Variants in CLHC1 observed in about 807,000 individuals in gnomAD.
CLHC1 encodes clathrin heavy chain linker domain containing 1, also known as clathrin heavy chain linker domain-containing protein 1.
A neutral mutation model predicts 69.5 loss-of-function variants in CLHC1; 72 were observed. The ratio of observed to expected loss-of-function variants is 1.04; its 90% CI spans 0.86 to 1.26. CLHC1 has a LOEUF of 1.26. Among genes scored for constraint, CLHC1 ranks in the 50% most tolerant of loss-of-function variants. The probability of loss-of-function intolerance (pLI) is 0.00; values close to 1 mark genes in which losing one functional copy is unlikely to be tolerated. For synonymous variants in CLHC1, 223 were observed against 224.3 expected, an observed-to-expected ratio of 0.99 and a Z score of 0.05; for missense variants, 790 against 679.3, an observed-to-expected ratio of 1.16 and a Z score of -1.81.
intron 9 of CLHC1, among the ~76,000 whole-genome samples, chr2:55,197,093 G>A (rs79969442): frequency 0.11 from 17,457 of 152,124 alleles, 1,216 homozygotes; most frequent in East Asian, 0.28. Context: ...AGTGCTATCC[G>A]TAGGGAGAGA....
chr2:55,206,313 A>C lies in CLHC1; in HGVS notation c.963T>G (p.Pro321=). The C allele has an allele frequency of 6.2e-7, 1 of 1,611,528 alleles. No individual in the cohort carries two copies. The highest frequency in any genetic ancestry group is 8.5e-7 in the Non-Finnish European group (1 of 1,178,014). The change falls in exon 9 of 13, where the codon CCT becomes CCG. Residue 321 remains proline, a synonymous_variant. Transcript: ENST00000401408. ...EKAACYAANS[P]RRILRNIGTM... The stretch of plus-strand genomic sequence containing the variant: ...TACCAATGTTTCGAAGAATTCTTCT[A>C]GGACTGTTTGCTGCATAACAAGCTG...
At chr2:55,195,351 A>G (rs1671310684) in intron 9 of CLHC1, among the ~76,000 whole-genome samples, 1 of 152,162 alleles carries the variant, frequency 6.6e-6, no homozygotes, top group Non-Finnish European at 1.5e-5. Flanking sequence ...ATGTTGTTGT[A>G]TCTGATGAAA....
At chr2:55,203,511 C>G (rs1470503398) in intron 9 of CLHC1, among the ~76,000 whole-genome samples, 4 of 152,038 alleles carry the variant, frequency 2.6e-5, no homozygotes, top group Non-Finnish European at 5.9e-5. Flanking sequence ...AATGCACATA[C>G]CTAAAGTGAA....
intron 9 of CLHC1, among the ~76,000 whole-genome samples, chr2:55,188,193 G>A (rs1373956480): frequency 6.6e-6 from 1 of 152,112 alleles, no homozygotes; most frequent in African/African-American, 2.4e-5. Context: ...GCTCACAGCT[G>A]TAGTCCCAAT....
In CLHC1 at chr2:55,174,722, AT is replaced by A. The variant is rs1424126775; in HGVS notation, c.*1067del. The A allele has an allele frequency of 1.3e-5, 2 of 152,182 alleles. No homozygotes were observed. The highest frequency in any genetic ancestry group is 2.9e-5 in the Non-Finnish European group (2 of 68,030). The allele number at this position is 152,182 out of a possible 1,614,324, so 9.4% of individuals were successfully genotyped here. The stretch of plus-strand genomic sequence containing the variant: ...ATTTAAATTTAGGATGGGAAAAGTT[AT>A]GCTCTTTGCTCTTATTCTAATAGCA... On this transcript the variant is annotated 3_prime_UTR_variant, in exon 13 of 13. Transcript: ENST00000401408.
chr2:55,198,128 A>G (rs963184770), intron 9 of CLHC1, among the ~76,000 whole-genome samples: 17 of 152,224 alleles, frequency 1.1e-4, no homozygotes, highest in African/African-American at 4.1e-4. Context: ...TTGAAGCCAG[A>G]CTATCTGAAA....
intron 1 of CLHC1, among the ~76,000 whole-genome samples, chr2:55,229,681 C>T (rs572904417): frequency 5.3e-5 from 8 of 152,250 alleles, no homozygotes; most frequent in Non-Finnish European, 8.8e-5. Flanking sequence ...ACTGGAGCAA[C>T]AGCCTCACTT....
intron 11 of CLHC1, among the ~76,000 whole-genome samples, chr2:55,179,726 G>A (rs1472625762): frequency 6.6e-6 from 1 of 151,916 alleles, no homozygotes; most frequent in Admixed American, 6.6e-5. Context: ...CTTCCAACTA[G>A]GGTCACCCTA....
chr2:55,181,866 T>A, intron 9 of CLHC1, 122 bp from the exon 10 acceptor site: 1 of 732,778 alleles, frequency 1.4e-6, no homozygotes, highest in Non-Finnish European at 2.3e-6. Context: ...AAATTACACA[T>A]TTATAATTTT....
At chr2:55,207,461 G>C (rs1220704461) in intron 8 of CLHC1, among the ~76,000 whole-genome samples, 1 of 152,158 alleles carries the variant, frequency 6.6e-6, no homozygotes, top group African/African-American at 2.4e-5. Flanking sequence ...CAGACTTACA[G>C]AAGCATTACA....
In CLHC1 at chr2:55,222,315, T is replaced by C. The variant is rs1573772877; in HGVS notation, c.97A>G (p.Thr33Ala). The C allele has an allele frequency of 6.2e-7, 1 of 1,613,648 alleles. No homozygotes were observed. The highest frequency in any genetic ancestry group is 8.5e-7 in the Non-Finnish European group (1 of 1,179,636). Reference protein sequence around the residue: ...FLESVQRYIITETERLGCSEE... With the variant: ...FLESVQRYIIAETERLGCSEE... ...CTACAGCCCAGTCTTTCAGTTTCTG[T>C]AATTATGTATCTTTGCACACTTTCC... The change falls in exon 3 of 13, where the codon ACA (threonine) becomes GCA (alanine). Residue 33 changes from threonine to alanine, a missense_variant. Physicochemically the swap from Thr to Ala is moderately conservative, Grantham distance 58. Coordinates refer to ENST00000401408, the MANE Select transcript of CLHC1 (RefSeq NM_152385.4).
intron 8 of CLHC1, 145 bp from the exon 9 acceptor site, chr2:55,206,521 C>A (rs2103914045): frequency 6.3e-6 from 4 of 635,522 alleles, no homozygotes; most frequent in Non-Finnish European, 5.5e-6. Context: ...TAACTAGAAT[C>A]ATTCACACTG....
rs1474619748 is a variant in CLHC1, at chr2:55,209,710, C to G, written c.621G>C (p.Lys207Asn). The G allele has an allele frequency of 6.2e-7, 1 of 1,613,998 alleles. No individual in the cohort carries two copies. The highest frequency in any genetic ancestry group is 8.5e-7 in the Non-Finnish European group (1 of 1,179,946). The change falls in exon 6 of 13, where the codon AAG becomes AAC. Residue 207 changes from lysine to asparagine, a missense_variant. Physicochemically the swap from Lys to Asn is moderately conservative, Grantham distance 94. Transcript: ENST00000401408. The part of the protein sequence containing the change: ...MLIKYVPAQR[K>N]ADLDEEMIVL... ...CAATCATTTCTTCATCTAAATCAGC[C>G]TTCCTCTGAGCTGGCACATATTTTA... is the stretch of plus-strand genomic sequence containing the variant.
At chr2:55,224,051 T>A (rs1047003576) in intron 2 of CLHC1, 4 of 156,830 alleles carry the variant, frequency 2.6e-5, no homozygotes, top group African/African-American at 9.6e-5. Flanking sequence ...CGCCTCGACC[T>A]CCCAAAGTGC....
At chr2:55,178,725 G>T (rs2103658289) in intron 11 of CLHC1, among the ~76,000 whole-genome samples, 1 of 152,050 alleles carries the variant, frequency 6.6e-6, no homozygotes, top group Admixed American at 6.6e-5. Flanking sequence ...CACAATAGAG[G>T]TAATTTTCAG....
intron 9 of CLHC1, among the ~76,000 whole-genome samples, chr2:55,190,201 C>T (rs1670788760): frequency 6.8e-6 from 1 of 146,106 alleles, no homozygotes; most frequent in South Asian, 2.2e-4. Context: ...CCCACCACCA[C>T]ACCCGGCTAA....
chr2:55,207,535 C>T (rs1192414931), intron 8 of CLHC1, among the ~76,000 whole-genome samples: 3 of 152,104 alleles, frequency 2.0e-5, no homozygotes, highest in Non-Finnish European at 4.4e-5. Flanking sequence ...CTTCTTTTTA[C>T]CATACCAACA....
intron 11 of CLHC1, among the ~76,000 whole-genome samples, chr2:55,178,398 G>A (rs1020403926): frequency 6.6e-6 from 1 of 152,336 alleles, no homozygotes; most frequent in Admixed American, 6.5e-5. Context: ...GCCACAAAAA[G>A]AACAATTCCA....
chr2:55,190,968 A>T (rs761434671), intron 9 of CLHC1, among the ~76,000 whole-genome samples: 3 of 152,236 alleles, frequency 2.0e-5, no homozygotes, highest in Non-Finnish European at 2.9e-5. Flanking sequence ...GAAAATCTTA[A>T]AAGTAGTCAT....
Sources: allele counts gnomAD v4.1 joint callset (sites outside exome capture counted in the v4.1 genomes callset), GRCh38; gene constraint gnomAD v4.1.1; transcripts MANE v1.5; gene names NCBI Gene and HGNC (gene_info 2026-07-23, HGNC 2026-07-21).